Variants in ANOS1 observed in about 807,000 individuals in gnomAD.
ANOS1 encodes anosmin-1.
ANOS1 carries 6 observed loss-of-function variants against 59.0 expected under a neutral mutation model. The observed-to-expected ratio is 0.10, with a 90% CI of 0.06 to 0.20. The LOEUF is 0.20. Among genes scored for constraint, ANOS1 ranks in the 10% least tolerant of loss-of-function variants. The pLI, the probability that ANOS1 is intolerant of heterozygous loss-of-function variation, is 1.00. For synonymous variants in ANOS1, 217 were observed against 223.4 expected, an observed-to-expected ratio of 0.97 and a Z score of 0.25; for missense variants, 433 against 542.3, an observed-to-expected ratio of 0.80 and a Z score of 2.00.
At chrX:8,557,588 T>G (rs1012150800) in intron 8 of ANOS1, among the ~76,000 whole-genome samples, 1 of 112,552 alleles carries the variant, frequency 8.9e-6, no homozygotes, top group African/African-American at 3.2e-5. Context: ...TCACCATCAC[T>G]GGTCATTAGA....
Position 8,587,928 on chromosome X carries a change from C to T in ANOS1, c.592G>A (p.Gly198Arg). The stretch of plus-strand genomic sequence containing the variant: ...GAGGACCACTTAACCTCCAGCTGTC[C>T]AGACTGCAGTTCTGTAAATCGTAAC... ...KELRFTELQS[G>R]QLEVKWSSKF... Residue 198 changes from glycine (G) to arginine (R), a missense_variant, in exon 5 of 14, where the codon GGA (glycine) becomes AGA (arginine). Physicochemically the swap from Gly to Arg is moderately radical, Grantham distance 125. Coordinates refer to ENST00000262648, the MANE Select transcript of ANOS1 (RefSeq NM_000216.4). 3 of 1,209,783 alleles carry T rather than the reference C, an allele frequency of 2.5e-6. No homozygotes were observed. The highest frequency in any genetic ancestry group is 3.5e-5 in the South Asian group (2 of 56,774).
intron 2 of ANOS1, among the ~76,000 whole-genome samples, chrX:8,680,576 T>G (rs1288040680): frequency 9.0e-6 from 1 of 111,555 alleles, no homozygotes; most frequent in Non-Finnish European, 1.9e-5. Context: ...TAAGGCAATC[T>G]AATCAACTGT....
At chrX:8,682,041 C>T (rs1454700811) in intron 2 of ANOS1, among the ~76,000 whole-genome samples, 1 of 111,257 alleles carries the variant, frequency 9.0e-6, no homozygotes, top group African/African-American at 3.3e-5. Flanking sequence ...ATCCACTCCC[C>T]ACACAGCACT....
intron 2 of ANOS1, among the ~76,000 whole-genome samples, chrX:8,661,775 C>T (rs1229086271): frequency 8.9e-6 from 1 of 111,755 alleles, no homozygotes; most frequent in African/African-American, 3.3e-5. Context: ...TGATCACAAT[C>T]CCAATTAGCA....
chrX:8,537,878 G>A (rs1384301866), intron 10 of ANOS1, among the ~76,000 whole-genome samples: 2 of 110,937 alleles, frequency 1.8e-5, no homozygotes, highest in African/African-American at 6.6e-5. Context: ...GAAAGCAGCA[G>A]CGTTGACGGG....
At chrX:8,571,429 G>T (rs960803179) in intron 6 of ANOS1, among the ~76,000 whole-genome samples, 1 of 111,574 alleles carries the variant, frequency 9.0e-6, no homozygotes, top group Non-Finnish European at 1.9e-5. Flanking sequence ...GCTCATAAAA[G>T]CAATTGTTTT....
At chrX:8,693,729 A>G (rs1036736665) in intron 2 of ANOS1, among the ~76,000 whole-genome samples, 3 of 96,850 alleles carry the variant, frequency 3.1e-5, no homozygotes, top group Non-Finnish European at 6.1e-5. Context: ...GGAATATTGC[A>G]TGAATTTTTT....
chrX:8,556,153 A>T (rs1929945354), intron 8 of ANOS1, among the ~76,000 whole-genome samples: 2 of 112,173 alleles, frequency 1.8e-5, no homozygotes, highest in South Asian at 7.4e-4. Flanking sequence ...AAAAACTCTC[A>T]ATAAACTAGG....
At chrX:8,680,480 A>C (rs1467157649) in intron 2 of ANOS1, among the ~76,000 whole-genome samples, 1 of 112,206 alleles carries the variant, frequency 8.9e-6, no homozygotes, top group East Asian at 2.8e-4. Context: ...CAAACAGACA[A>C]CTGTAATAAA....
rs927453634 is a variant in ANOS1 at position 8,586,788 on chromosome X, G to GT, written c.726+1005dup. ...AGAATTACTAAATTTATTTGACCAGGTTTTTTTTTTTTCTAATTTAATGTT... is the reference window on the plus strand; with the variant it reads ...AGAATTACTAAATTTATTTGACCAGGTTTTTTTTTTTTTCTAATTTAATGTT... On this transcript the variant is annotated intron_variant, in intron 5 of 13. Transcript: ENST00000262648. 9.4e-3 allele frequency among the ~76,000 whole-genome samples: 955 copies of GT among 101,804 alleles called. 18 individuals carry two copies. Among genetic ancestry groups the GT allele is most frequent in the African/African-American group, 0.029 (821 of 28,297 alleles). 88.4% of individuals were successfully genotyped at this position (101,804 alleles called of 115,157 possible).
intron 6 of ANOS1, among the ~76,000 whole-genome samples, chrX:8,576,785 C>T (rs757329313): frequency 1.8e-5 from 2 of 111,053 alleles, no homozygotes; most frequent in Non-Finnish European, 3.8e-5. Context: ...CTCTACATGC[C>T]ACACTCTACA....
At chrX:8,653,294 G>A (rs1018349120) in intron 2 of ANOS1, among the ~76,000 whole-genome samples, 1 of 111,216 alleles carries the variant, frequency 9.0e-6, no homozygotes, top group Non-Finnish European at 1.9e-5. Flanking sequence ...TGGTCATCTC[G>A]GGGTGAAAGA....
chrX:8,554,128 T>C (rs753312987), intron 8 of ANOS1, 30 bp from the exon 9 acceptor site: 1 of 1,148,999 alleles, frequency 8.7e-7, no homozygotes, highest in South Asian at 1.8e-5. Context: ...TCTAAGTTAC[T>C]TGTTAAAAGT....
chrX:8,619,405 A>T (rs781097682), intron 3 of ANOS1, among the ~76,000 whole-genome samples: 4 of 111,334 alleles, frequency 3.6e-5, no homozygotes, highest in African/African-American at 6.5e-5. Context: ...GGAGATGGAG[A>T]CCATCCTGGC....
At chrX:8,634,515 A>G (rs1931542077) in intron 2 of ANOS1, among the ~76,000 whole-genome samples, 1 of 111,666 alleles carries the variant, frequency 9.0e-6, no homozygotes, top group African/African-American at 3.3e-5. Flanking sequence ...TCATTTACAT[A>G]TTGCCTGTGG....
At chrX:8,537,749 C>CGTGTGT (rs202035920) in intron 10 of ANOS1, among the ~76,000 whole-genome samples, 1,175 of 94,717 alleles carry the variant, frequency 0.012, 28 homozygotes, top group African/African-American at 0.043. Context: ...ATGGTTTTTA[C>CGTGTGT]GTGTGTGTGT....
intron 6 of ANOS1, among the ~76,000 whole-genome samples, chrX:8,582,592 C>T (rs1208767151): frequency 9.0e-6 from 1 of 111,303 alleles, no homozygotes; most frequent in Non-Finnish European, 1.9e-5. Context: ...AAAAAACTGT[C>T]GGGAAGTGGC....
At chrX:8,627,920 G>C (rs1406412560) in intron 2 of ANOS1, among the ~76,000 whole-genome samples, 1 of 111,002 alleles carries the variant, frequency 9.0e-6, no homozygotes, top group Non-Finnish European at 1.9e-5. Context: ...ATCTTGAACA[G>C]GGGCTGGGTA....
intron 4 of ANOS1, among the ~76,000 whole-genome samples, chrX:8,588,301 C>G (rs1601966652): frequency 9.0e-6 from 1 of 111,290 alleles, no homozygotes; most frequent in African/African-American, 3.3e-5. Flanking sequence ...TTCAATAAAT[C>G]ATGTTACAAG....
Sources: gnomAD v4.1 joint callset for allele counts (sites outside exome capture counted in the v4.1 genomes callset) on GRCh38, gnomAD v4.1.1 for gene constraint, MANE v1.5 for transcripts, NCBI Gene and HGNC (gene_info 2026-07-23, HGNC 2026-07-21) for gene names.